Variants in ATXN10 observed in about 807,000 individuals in gnomAD.
The protein encoded by ATXN10 is ataxin-10.
Under a neutral mutation model 52.9 loss-of-function variants are expected in ATXN10, and 28 were observed. The observed-to-expected ratio is 0.53, with a 90% CI of 0.39 to 0.73. The LOEUF is 0.73. ATXN10 is among the 30% of genes least tolerant of loss of function. ATXN10 has a pLI of 0.00. For missense variants in ATXN10, 565 were observed against 577.0 expected (o/e 0.98, Z 0.21); for synonymous variants, 226 against 221.5 (o/e 1.02, Z -0.18).
rs1185084040 is a variant in ATXN10 at position 45,841,879 on chromosome 22, G to C, written c.1238-1112G>C. ...AGGGGTGTTCAGGACAAGATCAGAA[G>C]ACTTGGCTCTTTAGCTCTAGGGTTT... On this transcript the variant is annotated intron_variant, in intron 10 of 11. Transcript: ENST00000252934. The surrounding 1 kb of genome is among the most constrained non-coding windows in gnomAD (Gnocchi z 5.1). Among the ~76,000 whole-genome samples, 6 of 152,226 alleles carry C rather than the reference G, an allele frequency of 3.9e-5. No individual in the cohort carries two copies. The highest frequency in any genetic ancestry group is 7.3e-5 in the Non-Finnish European group (5 of 68,036).
intron 5 of ATXN10, among the ~76,000 whole-genome samples, chr22:45,711,599 G>A (rs566109481): frequency 6.6e-6 from 1 of 152,170 alleles, no homozygotes; most frequent in Non-Finnish European, 1.5e-5. Context: ...TAGTTTTACA[G>A]ATGTTACCAT....
At chr22:45,680,662 C>A (rs1467505635) in intron 1 of ATXN10, among the ~76,000 whole-genome samples, 1 of 151,588 alleles carries the variant, frequency 6.6e-6, no homozygotes, top group Non-Finnish European at 1.5e-5. Flanking sequence ...TTAGCTCTCA[C>A]TATGTTTCCC....
rs968964236 is a variant in ATXN10 at position 45,816,916 on chromosome 22, T to A, written c.1237+9894T>A. On this transcript the variant is annotated intron_variant, in intron 10 of 11. Transcript: ENST00000252934. The surrounding 1 kb of genome is among the most constrained non-coding windows in gnomAD (Gnocchi z 5.8). ...TCTTGGTGGAGAATCTAGCGTGGTA[T>A]CAGGCCTGCCAAACAGCAGCCGGAA... 3.9e-5 allele frequency among the ~76,000 whole-genome samples: 6 copies of A among 152,176 alleles called. No individual in the cohort carries two copies. In the South Asian group the frequency reaches 6.2e-4, roughly 16 times the overall value.
At position 45,769,826 on chromosome 22, in the gene ATXN10, T is replaced by C. The variant is rs1926714500; in HGVS notation, c.1173+29288T>C. Among the ~76,000 whole-genome samples the C allele has an allele frequency of 6.6e-6, 1 of 152,162 alleles. No homozygotes were observed. The highest frequency in any genetic ancestry group is 1.5e-5 in the Non-Finnish European group (1 of 68,026). On this transcript the variant is annotated intron_variant, in intron 9 of 11. Coordinates refer to ENST00000252934, the MANE Select transcript of ATXN10 (RefSeq NM_013236.4). The surrounding 1 kb of genome is among the most constrained non-coding windows in gnomAD (Gnocchi z 4.2). ...ACTCTGTATGCAGTAGAGTGTGATC[T>C]GAACAAAAACTCTTAAGAGTGTCAG...
rs1314630732 is a variant in ATXN10, at chr22:45,727,357, A to ATCTATCTG, written c.729-2061_729-2060insGTCTATCT. Among the ~76,000 whole-genome samples the ATCTATCTG allele has an allele frequency of 4.0e-5, 6 of 151,216 alleles. No homozygotes were observed. Among genetic ancestry groups the ATCTATCTG allele is most frequent in the Non-Finnish European group, 8.9e-5 (6 of 67,776 alleles). The stretch of plus-strand genomic sequence containing the variant: ...TATCTATCTATCTATCTATCTATCT[A>ATCTATCTG]TCTATCTATCTATCTATCTGAGACT... On this transcript the variant is annotated intron_variant, in intron 6 of 11. Coordinates refer to ENST00000252934, the MANE Select transcript of ATXN10 (RefSeq NM_013236.4). This position sits in a 1 kb window ranked among gnomAD's most constrained non-coding sequence, Gnocchi z 4.6.
At chr22:45,703,780 A>G (rs1243364997) in intron 5 of ATXN10, among the ~76,000 whole-genome samples, 1 of 152,206 alleles carries the variant, frequency 6.6e-6, no homozygotes, top group Non-Finnish European at 1.5e-5. Flanking sequence ...TTGACTGTTT[A>G]AAGAGGCATT....
chr22:45,806,992 G>A lies in ATXN10; in HGVS notation c.1207G>A (p.Asp403Asn), dbSNP rs753387188. The A allele has an allele frequency of 1.9e-6, 3 of 1,613,858 alleles. No homozygotes were observed. In the African/African-American group the frequency reaches 4.0e-5, roughly 22 times the overall value. The change falls in exon 10 of 12, where the codon GAC becomes AAC. Residue 403 changes from aspartate to asparagine, a missense_variant. By Grantham distance (23) the Asp-to-Asn change is conservative. Coordinates refer to ENST00000252934, the MANE Select transcript of ATXN10 (RefSeq NM_013236.4). ...GCTGGATGGTATCCCGTTGATCCTG[G>A]ACAACTGCAACATCAGTGACAGTAA... ...NELDGIPLIL[D>N]NCNISDSNPF...
chr22:45,828,010 CTGT>C lies in ATXN10; in HGVS notation c.1238-14979_1238-14977del, dbSNP rs1928871698. Among the ~76,000 whole-genome samples the C allele has an allele frequency of 6.6e-6, 1 of 151,986 alleles. No homozygotes were observed. Among genetic ancestry groups the C allele is most frequent in the South Asian group, 2.1e-4 (1 of 4,830 alleles). On this transcript the variant is annotated intron_variant, in intron 10 of 11. Coordinates refer to ENST00000252934, the MANE Select transcript of ATXN10 (RefSeq NM_013236.4). The surrounding 1 kb of genome is among the most constrained non-coding windows in gnomAD (Gnocchi z 4.5). Reference sequence around the variant, plus strand: ...AAATTTATGGAAATTAAAAAACATACTGTTAACCAGTAGATCAAAGAAGAAATC... The same window carrying C: ...AAATTTATGGAAATTAAAAAACATACTAACCAGTAGATCAAAGAAGAAATC...
intron 10 of ATXN10, among the ~76,000 whole-genome samples, chr22:45,836,331 C>G (rs1220565359): frequency 2.0e-5 from 3 of 152,234 alleles, no homozygotes; most frequent in African/African-American, 7.2e-5. Context: ...CGAGTTTATT[C>G]TGAAAAACTT....
At chr22:45,773,705 A>C (rs969692585) in intron 9 of ATXN10, among the ~76,000 whole-genome samples, 1 of 152,014 alleles carries the variant, frequency 6.6e-6, no homozygotes, top group East Asian at 1.9e-4. Flanking sequence ...TGATCTACCC[A>C]CCTCGGCCTC....
intron 5 of ATXN10, among the ~76,000 whole-genome samples, chr22:45,707,775 C>A (rs769433028): frequency 3.3e-5 from 5 of 151,552 alleles, no homozygotes; most frequent in Non-Finnish European, 5.9e-5. Context: ...AGTCCAGGTG[C>A]GGAATACTTT....
At position 45,715,534 on chromosome 22, in the gene ATXN10, T is replaced by C. The variant is rs369861269; in HGVS notation, c.648-2879T>C. On this transcript the variant is annotated intron_variant, in intron 5 of 11. Coordinates refer to ENST00000252934, the MANE Select transcript of ATXN10 (RefSeq NM_013236.4). The surrounding 1 kb of genome is among the most constrained non-coding windows in gnomAD (Gnocchi z 4.4). ...CATGAGTTGTTTTTGTTATTTGCTG[T>C]TGTTGTTGTTGTTAAGCTCATTAGC... Among the ~76,000 whole-genome samples, 2 of 152,134 alleles carry C rather than the reference T, an allele frequency of 1.3e-5. No individual in the cohort carries two copies. Among genetic ancestry groups the C allele is most frequent in the Non-Finnish European group, 2.9e-5 (2 of 68,020 alleles).
chr22:45,822,980 C>G, intron 10 of ATXN10: 1 of 209,504 alleles, frequency 4.8e-6, no homozygotes, highest in Non-Finnish European at 1.0e-5. Context: ...ATTATTTGTT[C>G]AGTTGTATGT....
At chr22:45,731,985 A>AG (rs1385313296) in intron 7 of ATXN10, among the ~76,000 whole-genome samples, 1 of 152,220 alleles carries the variant, frequency 6.6e-6, no homozygotes, top group Non-Finnish European at 1.5e-5. Context: ...TAAGAGACAG[A>AG]GAAAAGACAG....
intron 6 of ATXN10, among the ~76,000 whole-genome samples, chr22:45,729,214 C>T (rs1254402795): frequency 1.3e-5 from 2 of 152,180 alleles, no homozygotes; most frequent in African/African-American, 4.8e-5. Context: ...ATTCTAGTTT[C>T]TGTGGCCAAG....
In ATXN10 at chr22:45,740,754, G is replaced by GTGTATATA. The variant is rs1555891831; in HGVS notation, c.1173+217_1173+218insGTATATAT. ...CACACACACACGTGTGTGTGTGTGT[G>GTGTATATA]TATATATATATATGTATATGTTAAT... On this transcript the variant is annotated intron_variant, in intron 9 of 11. Coordinates refer to ENST00000252934, the MANE Select transcript of ATXN10 (RefSeq NM_013236.4). 1.8e-4 allele frequency: 51 copies of GTGTATATA among 286,228 alleles called. 1 individual carries two copies. Among genetic ancestry groups the GTGTATATA allele is most frequent in the African/African-American group, 1.2e-3 (47 of 39,994 alleles). The allele number at this position is 286,228 out of a possible 1,614,324, so 17.7% of individuals were successfully genotyped here.
chr22:45,749,776 G>A (rs1236473106), intron 9 of ATXN10, among the ~76,000 whole-genome samples: 3 of 152,036 alleles, frequency 2.0e-5, no homozygotes, highest in Non-Finnish European at 2.9e-5. Context: ...GTGTTGCCCA[G>A]GCTGGTCTCA....
chr22:45,823,573 G>T lies in ATXN10; in HGVS notation c.1237+16551G>T, dbSNP rs1465177616. 6.6e-6 allele frequency among the ~76,000 whole-genome samples: 1 copy of T among 152,094 alleles called. No homozygotes were observed. Among genetic ancestry groups the T allele is most frequent in the Admixed American group, 6.5e-5 (1 of 15,276 alleles). ...TTCTGTTTCCTGTGCTGTATTCTCT[G>T]TCCCTGGCCTGATACTATACTCTTG... On this transcript the variant is annotated intron_variant, in intron 10 of 11. Coordinates refer to ENST00000252934, the MANE Select transcript of ATXN10 (RefSeq NM_013236.4). This position sits in a 1 kb window ranked among gnomAD's most constrained non-coding sequence, Gnocchi z 4.9.
chr22:45,719,516 C>G (rs536387397), intron 6 of ATXN10, among the ~76,000 whole-genome samples: 1 of 151,504 alleles, frequency 6.6e-6, no homozygotes, highest in African/African-American at 2.4e-5. Flanking sequence ...GTTTTTTGAC[C>G]TAAAAGAGAT....
Sources: gnomAD v4.1 joint callset for allele counts (sites outside exome capture counted in the v4.1 genomes callset) on GRCh38, gnomAD v4.1.1 for gene constraint, Gnocchi (gnomAD v3.1) non-coding constraint, MANE v1.5 for transcripts, NCBI Gene and HGNC (gene_info 2026-07-23, HGNC 2026-07-21) for gene names.